Variants in MTIF3 observed in about 807,000 individuals in gnomAD.
The protein encoded by MTIF3 is mitochondrial translational initiation factor 3.
A neutral mutation model predicts 20.7 loss-of-function variants in MTIF3; 13 were observed. The observed-to-expected ratio is 0.63, with a 90% CI of 0.41 to 1.00. The LOEUF is 1.00. Among genes scored for constraint, MTIF3 ranks in the 50% least tolerant of loss-of-function variants. MTIF3 has a pLI of 0.00. For missense variants in MTIF3, 295 were observed against 324.5 expected (o/e 0.91, Z 0.70); for synonymous variants, 114 against 112.5 (o/e 1.01, Z -0.08).
At chr13:27,437,586 T>C (rs1953831264) in intron 3 of MTIF3, among the ~76,000 whole-genome samples, 1 of 152,222 alleles carries the variant, frequency 6.6e-6, no homozygotes, top group Non-Finnish European at 1.5e-5. Context: ...TTAACATCCT[T>C]ATCTATCAGC....
intron 1 of MTIF3, among the ~76,000 whole-genome samples, chr13:27,446,187 G>A (rs1182082929): frequency 6.6e-6 from 1 of 152,058 alleles, no homozygotes; most frequent in African/African-American, 2.4e-5. Flanking sequence ...CTCCCAAGTA[G>A]CCGGGATTAC....
intron 3 of MTIF3, among the ~76,000 whole-genome samples, chr13:27,439,175 T>C (rs1261003905): frequency 6.6e-6 from 1 of 152,228 alleles, no homozygotes; most frequent in Non-Finnish European, 1.5e-5. Context: ...GCATGGGAGA[T>C]GCTCTGTGAA....
At chr13:27,449,900 T>G (rs1954302817) in intron 1 of MTIF3, 1 of 152,354 alleles carries the variant, frequency 6.6e-6, no homozygotes, top group East Asian at 1.9e-4. Flanking sequence ...TTGGTTCAAG[T>G]CTTAAGCCAC....
At chr13:27,442,595 C>G (rs1218545122) in intron 2 of MTIF3, among the ~76,000 whole-genome samples, 1 of 152,220 alleles carries the variant, frequency 6.6e-6, no homozygotes, top group Non-Finnish European at 1.5e-5. Flanking sequence ...TTCTGGCTCA[C>G]TCTGTTCCAG....
At chr13:27,444,314 G>GAAAAAAAAAAAAAA (rs144913741) in intron 2 of MTIF3, among the ~76,000 whole-genome samples, 1 of 143,556 alleles carries the variant, frequency 7.0e-6, no homozygotes. Context: ...CAAAAAAAAC[G>GAAAAAAAAAAAAAA]AAAAAAAAAA....
chr13:27,446,708 C>A (rs1954191866), intron 1 of MTIF3, among the ~76,000 whole-genome samples: 1 of 152,164 alleles, frequency 6.6e-6, no homozygotes, highest in African/African-American at 2.4e-5. Context: ...AAGCCTATAT[C>A]TAAGTGACCC....
chr13:27,448,618 A>ATTATATCTTTGTT (rs1954254581), intron 1 of MTIF3, among the ~76,000 whole-genome samples: 1 of 151,814 alleles, frequency 6.6e-6, no homozygotes, highest in Admixed American at 6.6e-5. Flanking sequence ...CATTTAGAAC[A>ATTATATCTTTGTT]CTGGAAAAAG....
intron 3 of MTIF3, among the ~76,000 whole-genome samples, chr13:27,439,071 C>T (rs1312591456): frequency 6.6e-6 from 1 of 152,200 alleles, no homozygotes; most frequent in East Asian, 1.9e-4. Flanking sequence ...TATCCAATTC[C>T]TGACTTCTGT....
chr13:27,444,230 C>T (rs1007518985), intron 2 of MTIF3, among the ~76,000 whole-genome samples: 5 of 151,904 alleles, frequency 3.3e-5, no homozygotes, highest in Admixed American at 6.6e-5. Flanking sequence ...GGCGTGAACC[C>T]GGGAGGCGGA....
rs1422324158 is a variant in MTIF3 at position 27,435,711 on chromosome 13, A to ATGGTCTT, written c.794_800dup (p.His267GlnfsTer6). On this transcript the variant is annotated frameshift_variant, in exon 5 of 5. Coordinates refer to ENST00000381120, the MANE Select transcript of MTIF3 (RefSeq NM_152912.5). LOFTEE classifies it low-confidence loss of function (END_TRUNC). Reference sequence around the variant, plus strand: ...GAACATTTGATTCCTTATCATTTCCATGGTCTTTGTTCAAAGTGTCTCTTT... The same window carrying ATGGTCTT: ...GAACATTTGATTCCTTATCATTTCCATGGTCTTTGGTCTTTGTTCAAAGTGTCTCTTT... 7.4e-6 allele frequency: 12 copies of ATGGTCTT among 1,613,988 alleles called. No individual in the cohort carries two copies. The highest frequency in any genetic ancestry group is 1.0e-5 in the Non-Finnish European group (12 of 1,180,002).
chr13:27,441,631 T>A (rs1355660934), intron 2 of MTIF3, among the ~76,000 whole-genome samples: 1 of 152,252 alleles, frequency 6.6e-6, no homozygotes, highest in Non-Finnish European at 1.5e-5. Context: ...TGCTTTTCTG[T>A]CCTTCCATTC....
At chr13:27,447,562 T>G (rs898707534) in intron 1 of MTIF3, among the ~76,000 whole-genome samples, 1 of 152,224 alleles carries the variant, frequency 6.6e-6, no homozygotes, top group Non-Finnish European at 1.5e-5. Flanking sequence ...TGATATCCAT[T>G]TTTAATTCGA....
At chr13:27,437,937 A>C (rs1050759274) in intron 3 of MTIF3, among the ~76,000 whole-genome samples, 7 of 152,148 alleles carry the variant, frequency 4.6e-5, no homozygotes, top group Non-Finnish European at 8.8e-5. Context: ...AAAAAAGGCA[A>C]AATGAAAAAT....
At chr13:27,440,514 G>A in intron 2 of MTIF3, 65 bp from the exon 3 acceptor site, 1 of 1,281,350 alleles carries the variant, frequency 7.8e-7, no homozygotes, top group Non-Finnish European at 1.1e-6. Context: ...TGACATTGTG[G>A]TACATGGCAG....
intron 4 of MTIF3, among the ~76,000 whole-genome samples, chr13:27,436,169 A>C (rs1457803832): frequency 6.6e-6 from 1 of 152,136 alleles, no homozygotes; most frequent in Non-Finnish European, 1.5e-5. Flanking sequence ...CCTCTCCCAC[A>C]AACAGAAAGC....
intron 1 of MTIF3, among the ~76,000 whole-genome samples, chr13:27,447,774 T>C (rs1032184344): frequency 2.0e-5 from 3 of 152,184 alleles, no homozygotes; most frequent in African/African-American, 7.2e-5. Context: ...CCAAACAATA[T>C]CTACTCTTTG....
chr13:27,436,223 G>A (rs1174887963), intron 4 of MTIF3, among the ~76,000 whole-genome samples: 1 of 152,150 alleles, frequency 6.6e-6, no homozygotes, highest in Non-Finnish European at 1.5e-5. Context: ...TCCCCAAGGT[G>A]TCAGCCGAGC....
chr13:27,446,822 T>C (rs1253897776), intron 1 of MTIF3, among the ~76,000 whole-genome samples: 1 of 152,138 alleles, frequency 6.6e-6, no homozygotes, highest in Non-Finnish European at 1.5e-5. Flanking sequence ...AAAAGTCTCA[T>C]CATAAATGGT....
intron 3 of MTIF3, among the ~76,000 whole-genome samples, chr13:27,437,716 T>C (rs1000646836): frequency 1.6e-4 from 25 of 152,114 alleles, no homozygotes; most frequent in African/African-American, 5.1e-4. Context: ...ATGCCCTCTG[T>C]CTCCAGAAAT....
Sources: gnomAD v4.1 joint callset for allele counts (sites outside exome capture counted in the v4.1 genomes callset) on GRCh38, gnomAD v4.1.1 for gene constraint, MANE v1.5 for transcripts, NCBI Gene and HGNC (gene_info 2026-07-23, HGNC 2026-07-21) for gene names.